NADK2: variants seen among roughly 807,000 people sequenced by gnomAD.
NADK2 encodes the protein NAD kinase domain-containing protein 1, mitochondrial.
A neutral mutation model predicts 62.1 loss-of-function variants in NADK2; 35 were observed. That is an observed-to-expected ratio of 0.56 (90% CI 0.43 to 0.75). The LOEUF (loss-of-function observed/expected upper bound fraction) is 0.75. Ranked by LOEUF, NADK2 falls within the 30% of genes least tolerant of loss-of-function variation. The pLI is 0.00. For synonymous variants in NADK2, 205 were observed against 207.9 expected (o/e 0.99, Z 0.12); for missense variants, 439 against 561.3 (o/e 0.78, Z 2.20).
intron 1 of NADK2, among the ~76,000 whole-genome samples, chr5:36,234,468 T>C (rs1304233351): frequency 1.3e-5 from 2 of 150,460 alleles, no homozygotes; most frequent in Admixed American, 6.6e-5. Context: ...TTCTAAAGAA[T>C]AGGCACATAT....
rs1487605337 is a variant in NADK2 at position 36,205,438 on chromosome 5, G to C, written c.956+1732C>G. On this transcript the variant is annotated intron_variant, in intron 8 of 11. Coordinates refer to ENST00000381937, the MANE Select transcript of NADK2 (RefSeq NM_001085411.3). The surrounding 1 kb of genome is among the most constrained non-coding windows in gnomAD (Gnocchi z 4.1). ...AAAGCCAAGCGAGAACAAAAAGTGTGCTGAGAATTGCAAGTAGCTGTGCCA... is the reference window on the plus strand; with the variant it reads ...AAAGCCAAGCGAGAACAAAAAGTGTCCTGAGAATTGCAAGTAGCTGTGCCA... Among the ~76,000 whole-genome samples, 1 of 152,060 alleles carries C rather than the reference G, an allele frequency of 6.6e-6. No homozygotes were observed. The highest frequency in any genetic ancestry group is 1.5e-5 in the Non-Finnish European group (1 of 67,996).
In NADK2 at chr5:36,193,422, C is replaced by T. The variant is rs1188159685; in HGVS notation, c.*1722G>A. On this transcript the variant is annotated 3_prime_UTR_variant, in exon 12 of 12. Coordinates refer to ENST00000381937, the MANE Select transcript of NADK2 (RefSeq NM_001085411.3). ...ACCTGGGAGATGGAGGTTGCAGAGC[C>T]GAGATCATGCCACTGCAGTCCAGCC... 3 of 141,486 alleles carry T rather than the reference C, an allele frequency of 2.1e-5. No homozygotes were observed. The highest frequency in any genetic ancestry group is 2.2e-4 in the South Asian group (1 of 4,540). 8.8% of individuals were successfully genotyped at this position (141,486 alleles called of 1,614,324 possible). A position where few individuals can be genotyped will look rare whatever the true frequency, so the allele number is the denominator to read the frequency against.
chr5:36,204,673 G>A (rs1386200423), intron 8 of NADK2, among the ~76,000 whole-genome samples: 2 of 151,490 alleles, frequency 1.3e-5, no homozygotes, highest in Non-Finnish European at 2.9e-5. Context: ...CCTTTCACTG[G>A]CCCTCAGGAA....
chr5:36,197,706 C>A lies in NADK2; in HGVS notation c.1067-42G>T. The A allele has an allele frequency of 2.7e-6, 4 of 1,492,796 alleles. No individual in the cohort carries two copies. The South Asian group carries it at 4.1e-5, about 15-fold the overall frequency. The allele number at this position is 1,492,796 out of a possible 1,614,324, so 92.5% of individuals were successfully genotyped here. On this transcript the variant is annotated intron_variant, in intron 10 of 11. Coordinates refer to ENST00000381937, the MANE Select transcript of NADK2 (RefSeq NM_001085411.3). ...ATTAGCACACTCAATAAAAGATGGT[C>A]ACTTCTGAGAAGGGCAAAACAAAAA...
chr5:36,241,981 G>A (rs1748159519), upstream of NADK2: 4 of 371,904 alleles, frequency 1.1e-5, no homozygotes, highest in Non-Finnish European at 1.7e-5. This position sits in a 1 kb window ranked among gnomAD's most constrained non-coding sequence, Gnocchi z 4.9. Context: ...TGACGAAGGC[G>A]GGGAAAGCGT....
chr5:36,239,589 T>G (rs917831990), intron 1 of NADK2, among the ~76,000 whole-genome samples: 1 of 152,206 alleles, frequency 6.6e-6, no homozygotes, highest in Admixed American at 6.5e-5. Flanking sequence ...CTTAGGTAGT[T>G]TGACTTTTTA....
chr5:36,198,486 C>T (rs1043036468), intron 10 of NADK2, among the ~76,000 whole-genome samples: 13 of 151,392 alleles, frequency 8.6e-5, no homozygotes, highest in Non-Finnish European at 1.8e-4. Flanking sequence ...CACTGGCATT[C>T]ACTGTTGCTT....
chr5:36,221,396 G>C (rs113127263), intron 4 of NADK2: 1 of 152,292 alleles, frequency 6.6e-6, no homozygotes, highest in Non-Finnish European at 1.5e-5. Flanking sequence ...CCTGAACTCC[G>C]ACATGCACAA....
In NADK2 at chr5:36,193,958, T is replaced by C. The variant is rs1285758189; in HGVS notation, c.*1186A>G. The C allele has an allele frequency of 6.6e-6, 1 of 152,590 alleles. No individual in the cohort carries two copies. Among genetic ancestry groups the C allele is most frequent in the African/African-American group, 2.4e-5 (1 of 41,444 alleles). 9.5% of individuals were successfully genotyped at this position (152,590 alleles called of 1,614,324 possible). A position where few individuals can be genotyped will look rare whatever the true frequency, so the allele number is the denominator to read the frequency against. On this transcript the variant is annotated 3_prime_UTR_variant, in exon 12 of 12. Transcript: ENST00000381937. Reference sequence around the variant, plus strand: ...ATATTTGTCAATGATTGAACAGAAATTTTCAGCACCAAATGAAAGAAACAC... The same window carrying C: ...ATATTTGTCAATGATTGAACAGAAACTTTCAGCACCAAATGAAAGAAACAC...
chr5:36,241,658 CAGG>C lies in NADK2; in HGVS notation c.138_140del (p.His46_Leu47delinsGln), dbSNP rs1748132543. The C allele has an allele frequency of 1.6e-6, 2 of 1,252,812 alleles. No individual in the cohort carries two copies. The highest frequency in any genetic ancestry group is 2.0e-6 in the Non-Finnish European group (2 of 1,001,576). The allele number at this position is 1,252,812 out of a possible 1,614,324, so 77.6% of individuals were successfully genotyped here. A position where few individuals can be genotyped will look rare whatever the true frequency, so the allele number is the denominator to read the frequency against. ...CCAGCTCGCGCGGCTGCCCCTGCCC[CAGG>C]TGCCGCCGGCCGCCACCGTCACCGC... is the stretch of plus-strand genomic sequence containing the variant. On this transcript the variant is annotated inframe_deletion, in exon 1 of 12. Coordinates refer to ENST00000381937, the MANE Select transcript of NADK2 (RefSeq NM_001085411.3). This position sits in a 1 kb window ranked among gnomAD's most constrained non-coding sequence, Gnocchi z 4.9.
chr5:36,211,538 G>C (rs1248336268), intron 7 of NADK2, among the ~76,000 whole-genome samples: 3 of 134,220 alleles, frequency 2.2e-5, no homozygotes, highest in Admixed American at 7.8e-5. Flanking sequence ...CTGGGCGACA[G>C]AGTGAGACTC....
At chr5:36,238,262 A>G (rs1229792542) in intron 1 of NADK2, among the ~76,000 whole-genome samples, 1 of 152,216 alleles carries the variant, frequency 6.6e-6, no homozygotes, top group Non-Finnish European at 1.5e-5. Flanking sequence ...TCTTCAGAAA[A>G]CAAAAGGGAA....
In NADK2 at chr5:36,200,245, T is replaced by C; in HGVS notation, c.1048A>G (p.Arg350Gly). ...CACTGACCTTTCTCTACCAATTCTC[T>C]GTTCAATGGAAGACTCAAATTTCCT... The part of the protein sequence containing the change: ...RQGNLSLPLN[R>G]ELVEKVTNEY... The change falls in exon 10 of 12, where the codon AGA (arginine) becomes GGA (glycine). Residue 350 changes from arginine (R) to glycine (G), a missense_variant. Transcript: ENST00000381937. 2 of 1,584,380 alleles carry C rather than the reference T, an allele frequency of 1.3e-6. No homozygotes were observed. Among genetic ancestry groups the C allele is most frequent in the Non-Finnish European group, 1.7e-6 (2 of 1,164,640 alleles).
chr5:36,212,006 C>T (rs565616067), intron 6 of NADK2, 84 bp from the exon 7 acceptor site: 43 of 1,003,640 alleles, frequency 4.3e-5, no homozygotes, highest in Non-Finnish European at 5.8e-5. Flanking sequence ...AACACTACAA[C>T]TTTTATATTT....
In NADK2 at chr5:36,205,455, G is replaced by A. The variant is rs1425992645; in HGVS notation, c.956+1715C>T. On this transcript the variant is annotated intron_variant, in intron 8 of 11. Transcript: ENST00000381937. This position sits in a 1 kb window ranked among gnomAD's most constrained non-coding sequence, Gnocchi z 4.1. The stretch of plus-strand genomic sequence containing the variant: ...AAAAGTGTGCTGAGAATTGCAAGTA[G>A]CTGTGCCAATTCTAGTGTGCCATAG... Among the ~76,000 whole-genome samples the A allele has an allele frequency of 6.6e-6, 1 of 152,050 alleles. No individual in the cohort carries two copies. Among genetic ancestry groups the A allele is most frequent in the Non-Finnish European group, 1.5e-5 (1 of 68,000 alleles).
chr5:36,223,591 A>T (rs1747357194), intron 4 of NADK2, among the ~76,000 whole-genome samples: 1 of 152,240 alleles, frequency 6.6e-6, no homozygotes, highest in African/African-American at 2.4e-5. Flanking sequence ...GTACAGTTGA[A>T]ATAAGGGAGC....
Position 36,235,505 on chromosome 5 carries a change from A to G in NADK2, c.300+5994T>C, listed in dbSNP as rs546819989. Among the ~76,000 whole-genome samples the G allele has an allele frequency of 5.3e-5, 8 of 152,296 alleles. No homozygotes were observed. The East Asian group carries it at 1.3e-3, about 26-fold the overall frequency. ...ATTTCAAAGCCAAAGAGACTGATTC[A>G]GAGAGGTTAGGTTACTTGCTCAAGA... is the stretch of plus-strand genomic sequence containing the variant. On this transcript the variant is annotated intron_variant, in intron 1 of 11. Transcript: ENST00000381937.
intron 6 of NADK2, among the ~76,000 whole-genome samples, chr5:36,216,569 T>C (rs982224576): frequency 6.7e-6 from 1 of 148,336 alleles, no homozygotes; most frequent in African/African-American, 2.4e-5. Flanking sequence ...TGAACATTTT[T>C]CTGTTCTTTT....
intron 8 of NADK2, among the ~76,000 whole-genome samples, chr5:36,201,456 AC>A (rs1746444748): frequency 6.6e-6 from 1 of 152,032 alleles, no homozygotes; most frequent in African/African-American, 2.4e-5. Flanking sequence ...CATCTATAAT[AC>A]ACAAAGATAG....
Sources: allele counts gnomAD v4.1 joint callset (sites outside exome capture counted in the v4.1 genomes callset), GRCh38; gene constraint gnomAD v4.1.1; non-coding constraint Gnocchi (gnomAD v3.1); transcripts MANE v1.5; gene names NCBI Gene and HGNC (gene_info 2026-07-23, HGNC 2026-07-21).